Variants in SH3BP5 observed in about 807,000 individuals in gnomAD.
The protein encoded by SH3BP5 is SH3 domain-binding protein 5.
Under a neutral mutation model 43.3 loss-of-function variants are expected in SH3BP5, and 22 were observed. That is an observed-to-expected ratio of 0.51 (90% CI 0.36 to 0.73). SH3BP5 has a LOEUF of 0.73. Ranked by LOEUF, SH3BP5 falls within the 30% of genes least tolerant of loss-of-function variation. The pLI is 0.00. For synonymous variants in SH3BP5, 255 were observed against 225.8 expected (o/e 1.13, Z -1.16); for missense variants, 529 against 586.9 (o/e 0.90, Z 1.02).
At chr3:15,285,749 A>T (rs1029911105) in intron 3 of SH3BP5, among the ~76,000 whole-genome samples, 2 of 152,188 alleles carry the variant, frequency 1.3e-5, no homozygotes, top group Non-Finnish European at 2.9e-5. Flanking sequence ...AGCCAGGAAC[A>T]TTGGCTCTTC....
intron 3 of SH3BP5, among the ~76,000 whole-genome samples, chr3:15,299,483 ATTTTTTTTTTTTT>A (rs60281447): frequency 3.3e-5 from 3 of 92,254 alleles, no homozygotes; most frequent in African/African-American, 1.1e-4. Flanking sequence ...CAACAATTAG[ATTTTTTTTTTTTT>A]TTTTTTTTTT....
chr3:15,289,504 A>G (rs1697354353), intron 3 of SH3BP5, among the ~76,000 whole-genome samples: 1 of 152,246 alleles, frequency 6.6e-6, no homozygotes, highest in African/African-American at 2.4e-5. Flanking sequence ...TTCAGTGACC[A>G]TGAAATCACA....
At chr3:15,338,104 G>A (rs1235654992) in intron 1 of SH3BP5, among the ~76,000 whole-genome samples, 1 of 151,614 alleles carries the variant, frequency 6.6e-6, no homozygotes, top group Non-Finnish European at 1.5e-5. Flanking sequence ...CACTTTGGGA[G>A]GCCAATGTGG....
chr3:15,255,840 G>C lies in SH3BP5; in HGVS notation c.*246C>G. The C allele has an allele frequency of 2.2e-6, 1 of 449,518 alleles. No homozygotes were observed. The highest frequency in any genetic ancestry group is 3.5e-5 in the South Asian group (1 of 28,670). The allele number at this position is 449,518 out of a possible 1,614,324, so 27.8% of individuals were successfully genotyped here. ...TATTGCTTCCACAATGCCGTTATAC[G>C]GAATGTTCCACAAAGGCTGTGAACC... On this transcript the variant is annotated 3_prime_UTR_variant, in exon 9 of 9. Transcript: ENST00000383791.
intron 2 of SH3BP5, among the ~76,000 whole-genome samples, chr3:15,313,770 T>G (rs77234603): frequency 6.6e-6 from 1 of 152,116 alleles, no homozygotes; most frequent in Non-Finnish European, 1.5e-5. Context: ...AAGCAAACAC[T>G]TGAAATGTGG....
intron 3 of SH3BP5, among the ~76,000 whole-genome samples, chr3:15,285,423 C>T (rs141914230): frequency 3.9e-4 from 59 of 152,290 alleles, no homozygotes; most frequent in African/African-American, 1.3e-3. Context: ...CCAAGCTGGG[C>T]GATACATAAC....
At chr3:15,256,370 A>T in intron 8 of SH3BP5, 67 bp from the exon 9 acceptor site, 1 of 1,488,786 alleles carries the variant, frequency 6.7e-7, no homozygotes, top group African/African-American at 1.4e-5. Flanking sequence ...ATAGAAATAC[A>T]AAGATTATCA....
At chr3:15,308,000 T>A (rs56383617) in intron 2 of SH3BP5, among the ~76,000 whole-genome samples, 10 of 150,314 alleles carry the variant, frequency 6.7e-5, no homozygotes, top group Middle Eastern at 3.5e-3. Flanking sequence ...AATTCACATT[T>A]AAAAAAAAAA....
chr3:15,335,692 T>C (rs1347803565), upstream of SH3BP5, among the ~76,000 whole-genome samples: 2 of 152,314 alleles, frequency 1.3e-5, no homozygotes, highest in African/African-American at 2.4e-5. Flanking sequence ...ATTTTAGCAT[T>C]GCAGGGGTCC....
intron 3 of SH3BP5, among the ~76,000 whole-genome samples, chr3:15,300,511 G>A (rs78862179): frequency 2.0e-5 from 3 of 146,908 alleles, no homozygotes; most frequent in South Asian, 2.2e-4. Flanking sequence ...CGGGGGCGGG[G>A]GGACAAGAGG....
chr3:15,333,905 G>A (rs560512420), upstream of SH3BP5, among the ~76,000 whole-genome samples: 41 of 152,360 alleles, frequency 2.7e-4, no homozygotes, highest in South Asian at 7.7e-3. Flanking sequence ...GTTTTCCAAT[G>A]ATAGATGAAG....
intron 3 of SH3BP5, among the ~76,000 whole-genome samples, chr3:15,303,737 A>G (rs1367063468): frequency 1.3e-5 from 2 of 152,128 alleles, no homozygotes; most frequent in Admixed American, 6.5e-5. Context: ...TTTCAAGAGA[A>G]GCAGAAGGCT....
chr3:15,281,936 G>A (rs780920317), intron 3 of SH3BP5, among the ~76,000 whole-genome samples: 16 of 152,148 alleles, frequency 1.1e-4, no homozygotes, highest in Non-Finnish European at 2.1e-4. Flanking sequence ...CCTGGGAGGC[G>A]GAGGTTGCAG....
At chr3:15,258,193 AGAAAG>A (rs557163327) in intron 7 of SH3BP5, 6 of 152,358 alleles carry the variant, frequency 3.9e-5, no homozygotes, top group African/African-American at 7.2e-5. Context: ...GGTAAGGAAA[AGAAAG>A]GAAGTATGCA....
chr3:15,262,531 C>T (rs1190268830), intron 4 of SH3BP5, among the ~76,000 whole-genome samples: 3 of 152,116 alleles, frequency 2.0e-5, no homozygotes, highest in African/African-American at 7.2e-5. Flanking sequence ...GTGGTGTGCT[C>T]CTGTAGTCCC....
At chr3:15,257,240 A>G (rs1559422215) in intron 7 of SH3BP5, 127 bp from the exon 8 acceptor site, 7 of 952,834 alleles carry the variant, frequency 7.3e-6, no homozygotes, top group African/African-American at 3.3e-5. Flanking sequence ...GTGAGTGCCT[A>G]ATGAAGGAAT....
upstream of SH3BP5, among the ~76,000 whole-genome samples, chr3:15,335,357 G>A (rs1475671113): frequency 2.6e-5 from 4 of 151,444 alleles, no homozygotes; most frequent in African/African-American, 7.3e-5. Flanking sequence ...CAGCCTGAAC[G>A]ACAGAGTAGG....
upstream of SH3BP5, among the ~76,000 whole-genome samples, chr3:15,335,866 G>A (rs1698695370): frequency 1.3e-5 from 2 of 152,350 alleles, no homozygotes; most frequent in African/African-American, 4.8e-5. Context: ...AGGATTGTCT[G>A]GGATGGGGGC....
intron 2 of SH3BP5, among the ~76,000 whole-genome samples, chr3:15,309,136 GA>G (rs1364409315): frequency 6.6e-6 from 1 of 151,886 alleles, no homozygotes; most frequent in East Asian, 1.9e-4. Flanking sequence ...TCACTCAAAT[GA>G]AAAAAATCAA....
Sources: allele counts gnomAD v4.1 joint callset (sites outside exome capture counted in the v4.1 genomes callset), GRCh38; gene constraint gnomAD v4.1.1; transcripts MANE v1.5; gene names NCBI Gene and HGNC (gene_info 2026-07-23, HGNC 2026-07-21).